The following PINX1 variants were observed in gnomAD, a reference collection of about 807,000 sequenced individuals.
PINX1 encodes PIN2/TERF1-interacting telomerase inhibitor 1.
PINX1 carries 34 observed loss-of-function variants against 25.4 expected under a neutral mutation model. The ratio of observed to expected loss-of-function variants is 1.34; its 90% CI spans 1.02 to 1.78. The LOEUF is 1.78. Among genes scored for constraint, PINX1 ranks in the 40% most tolerant of loss-of-function variants. PINX1 has a pLI of 0.00. For missense variants in PINX1, 592 were observed against 404.9 expected (o/e 1.46, Z -3.97); for synonymous variants, 197 against 147.7 (o/e 1.33, Z -2.42).
Position 10,829,663 on chromosome 8 carries a change from A to C in PINX1, c.301+2002T>G, listed in dbSNP as rs1338692298. Among the ~76,000 whole-genome samples, 3 of 151,852 alleles carry C rather than the reference A, an allele frequency of 2.0e-5. No homozygotes were observed. The East Asian group carries it at 5.8e-4, about 29-fold the overall frequency. On this transcript the variant is annotated intron_variant, in intron 4 of 6. Coordinates refer to ENST00000314787, the MANE Select transcript of PINX1 (RefSeq NM_017884.6). Reference sequence around the variant, plus strand: ...GCATTCTATTTAATCTCCAAGTCTTATATGTTCATGCTTACATTCTTACAT... The same window carrying C: ...GCATTCTATTTAATCTCCAAGTCTTCTATGTTCATGCTTACATTCTTACAT...
At chr8:10,838,103 T>TA (rs1798458609) in intron 1 of PINX1, among the ~76,000 whole-genome samples, 1 of 152,222 alleles carries the variant, frequency 6.6e-6, no homozygotes, top group South Asian at 2.1e-4. Context: ...TGTCCATAAA[T>TA]ACTGCCTGAC....
At chr8:10,813,434 C>T (rs537316566) in intron 6 of PINX1, among the ~76,000 whole-genome samples, 44 of 152,250 alleles carry the variant, frequency 2.9e-4, no homozygotes, top group African/African-American at 1.1e-3. Flanking sequence ...GGCATTGAAT[C>T]CAACCAGAAA....
chr8:10,824,520 C>A (rs1422782651), intron 5 of PINX1, among the ~76,000 whole-genome samples: 1 of 152,158 alleles, frequency 6.6e-6, no homozygotes, highest in East Asian at 1.9e-4. Flanking sequence ...AGAACCCTCG[C>A]TGGAAGACAG....
intron 6 of PINX1, among the ~76,000 whole-genome samples, chr8:10,767,281 G>C (rs1281310555): frequency 6.6e-6 from 1 of 152,086 alleles, no homozygotes; most frequent in African/African-American, 2.4e-5. Context: ...GTCCTCAAAA[G>C]CCACCTCAGT....
chr8:10,804,237 G>A (rs1168040545), intron 6 of PINX1, among the ~76,000 whole-genome samples: 1 of 152,228 alleles, frequency 6.6e-6, no homozygotes, highest in East Asian at 1.9e-4. Context: ...TGTCACTGCG[G>A]TGTTAGCCGC....
Position 10,785,600 on chromosome 8 carries a change from G to C in PINX1, c.472-19684C>G, listed in dbSNP as rs926405647. ...TTATTATAGCAATCCCACTGGGACA[G>C]TTTGAACAATAAGCTGGGGTTGAAG... On this transcript the variant is annotated intron_variant, in intron 6 of 6. Transcript: ENST00000314787. Among the ~76,000 whole-genome samples the C allele has an allele frequency of 2.4e-4, 37 of 152,326 alleles. 1 individual carries two copies. Among genetic ancestry groups the C allele is most frequent in the African/African-American group, 8.7e-4 (36 of 41,582 alleles).
At chr8:10,804,359 G>A (rs1018325356) in intron 6 of PINX1, among the ~76,000 whole-genome samples, 7 of 152,346 alleles carry the variant, frequency 4.6e-5, no homozygotes, top group African/African-American at 1.7e-4. Context: ...GGGCCTGAAA[G>A]AGGCAGCAGC....
chr8:10,799,932 C>T (rs1434691046), intron 6 of PINX1, among the ~76,000 whole-genome samples: 1 of 152,218 alleles, frequency 6.6e-6, no homozygotes, highest in East Asian at 1.9e-4. Flanking sequence ...ATTTGTCATT[C>T]CACTAGCTGA....
At chr8:10,811,018 T>G (rs1194659600) in intron 6 of PINX1, among the ~76,000 whole-genome samples, 3 of 152,270 alleles carry the variant, frequency 2.0e-5, no homozygotes, top group African/African-American at 7.2e-5. Context: ...CATTTTAAAC[T>G]GTGAGAGTGT....
chr8:10,775,168 C>T (rs1586135574), intron 6 of PINX1, among the ~76,000 whole-genome samples: 2 of 152,264 alleles, frequency 1.3e-5, no homozygotes, highest in South Asian at 2.1e-4. Context: ...TTGTTTTACA[C>T]AAGCTGTAAG....
In PINX1 at chr8:10,820,300, G is replaced by C. The variant is rs760648543; in HGVS notation, c.395-31C>G. ...AAAACAATGTGATGCTTTTCAGTAA[G>C]ACTGTTCTTCCTAAAAGAAAGAGCG... On this transcript the variant is annotated intron_variant, in intron 5 of 6. Transcript: ENST00000314787. The C allele has an allele frequency of 3.4e-6, 5 of 1,464,562 alleles. No individual in the cohort carries two copies. The African/African-American group carries it at 4.2e-5, about 12-fold the overall frequency. 90.7% of individuals were successfully genotyped at this position (1,464,562 alleles called of 1,614,324 possible).
At chr8:10,831,873 T>G (rs1348969205) in intron 3 of PINX1, 130 bp from the exon 4 acceptor site, 1 of 638,548 alleles carries the variant, frequency 1.6e-6, no homozygotes, top group East Asian at 2.7e-5. Context: ...CAAAATACTA[T>G]TTGATAAATT....
intron 6 of PINX1, among the ~76,000 whole-genome samples, chr8:10,796,629 TCCAGACAGG>T (rs1802092509): frequency 1.3e-5 from 2 of 152,136 alleles, no homozygotes; most frequent in South Asian, 4.2e-4. Context: ...ACTTGCTCAC[TCCAGACAGG>T]TGATAAGAAT....
intron 4 of PINX1, among the ~76,000 whole-genome samples, chr8:10,828,557 C>G (rs780884012): frequency 6.6e-6 from 1 of 152,194 alleles, no homozygotes; most frequent in Non-Finnish European, 1.5e-5. Flanking sequence ...TGAAGCACCA[C>G]GCCGTGCCCT....
intron 4 of PINX1, among the ~76,000 whole-genome samples, chr8:10,829,060 G>C (rs755576361): frequency 6.6e-6 from 1 of 152,104 alleles, no homozygotes; most frequent in East Asian, 1.9e-4. Flanking sequence ...GGCTGAGGTG[G>C]GTGGATCACA....
At chr8:10,792,054 G>A (rs940532534) in intron 6 of PINX1, among the ~76,000 whole-genome samples, 3 of 152,160 alleles carry the variant, frequency 2.0e-5, no homozygotes, top group East Asian at 1.9e-4. Flanking sequence ...CAAGGGTAGC[G>A]CTGGAGCTTG....
At chr8:10,777,547 G>C (rs1338183215) in intron 6 of PINX1, among the ~76,000 whole-genome samples, 1 of 152,224 alleles carries the variant, frequency 6.6e-6, no homozygotes, top group African/African-American at 2.4e-5. Context: ...TTGAAGGGGG[G>C]TTGGGTGTGC....
intron 6 of PINX1, among the ~76,000 whole-genome samples, chr8:10,818,029 T>A (rs1486605113): frequency 6.6e-6 from 1 of 152,224 alleles, no homozygotes; most frequent in African/African-American, 2.4e-5. Flanking sequence ...AACCCTGGCA[T>A]TAGCATTTGT....
At chr8:10,785,238 A>G (rs1586149359) in intron 6 of PINX1, among the ~76,000 whole-genome samples, 1 of 152,246 alleles carries the variant, frequency 6.6e-6, no homozygotes, top group African/African-American at 2.4e-5. Flanking sequence ...ACTTACAGCT[A>G]TTAAGGAAAT....
Sources: gnomAD v4.1 joint callset for allele counts (sites outside exome capture counted in the v4.1 genomes callset) on GRCh38, gnomAD v4.1.1 for gene constraint, MANE v1.5 for transcripts, NCBI Gene and HGNC (gene_info 2026-07-23, HGNC 2026-07-21) for gene names.